Variants in DOCK9 observed in about 807,000 individuals in gnomAD.
DOCK9 encodes the protein dedicator of cytokinesis 9.
Under a neutral mutation model 263.3 loss-of-function variants are expected in DOCK9, and 89 were observed. The ratio of observed to expected loss-of-function variants is 0.34; its 90% CI spans 0.28 to 0.40. The LOEUF is 0.40. Among genes scored for constraint, DOCK9 ranks in the 10% least tolerant of loss-of-function variants. DOCK9 has a pLI of 1.00. For synonymous variants in DOCK9, 976 were observed against 973.1 expected, an observed-to-expected ratio of 1.00 and a Z score of -0.06; for missense variants, 2,140 against 2,603.4, an observed-to-expected ratio of 0.82 and a Z score of 3.87.
intron 1 of DOCK9, among the ~76,000 whole-genome samples, chr13:98,972,555 C>T (rs1219722530): frequency 1.3e-5 from 2 of 152,174 alleles, no homozygotes; most frequent in African/African-American, 4.8e-5. Context: ...CGGACCCTAT[C>T]TAAGCATGCA....
Position 98,837,534 on chromosome 13 carries a change from G to A in DOCK9, c.4274C>T (p.Thr1425Ile). ...EANIATEVCL[T>I]ALDTLSLFTL... Reference sequence around the variant, plus strand: ...AAATAGAGAAAGCGTGTCCAGAGCTGTCAGGCAAACCTCAGTAGCAATGTT... The same window carrying A: ...AAATAGAGAAAGCGTGTCCAGAGCTATCAGGCAAACCTCAGTAGCAATGTT... The change falls in exon 39 of 53, where the codon ACA becomes ATA. Residue 1425 changes from threonine (T) to isoleucine (I), a missense_variant. Physicochemically the swap from Thr to Ile is moderately conservative, Grantham distance 89 (BLOSUM62 -1). Around this residue, in one of 2 missense-constraint regions of DOCK9, gnomAD observed 1,521 missense variants for 1,741.7 expected, o/e 0.87. Coordinates refer to ENST00000682017, the MANE Select transcript of DOCK9 (RefSeq NM_001366683.2). The A allele has an allele frequency of 6.2e-7, 1 of 1,613,850 alleles. No homozygotes were observed.
chr13:98,881,629 T>TA lies in DOCK9; in HGVS notation c.2676-3dup. The TA allele has an allele frequency of 6.2e-7, 1 of 1,606,940 alleles. No individual in the cohort carries two copies. The highest frequency in any genetic ancestry group is 1.3e-5 in the African/African-American group (1 of 74,942). ...TGGGCAACCACATGAATAATGACCCTACACACCACAGGAGTGAATAAAGCA... is the reference window on the plus strand; with the variant it reads ...TGGGCAACCACATGAATAATGACCCTAACACACCACAGGAGTGAATAAAGCA... On this transcript the variant is annotated splice_region_variant and splice_polypyrimidine_tract_variant and intron_variant, in intron 24 of 52. Transcript: ENST00000682017.
chr13:98,897,285 C>T (rs1253371400), intron 15 of DOCK9, among the ~76,000 whole-genome samples: 1 of 152,196 alleles, frequency 6.6e-6, no homozygotes, highest in Non-Finnish European at 1.5e-5. Context: ...CCCAAAACAT[C>T]CTCTACAGAA....
intron 49 of DOCK9, among the ~76,000 whole-genome samples, chr13:98,802,473 C>T (rs1352926975): frequency 6.6e-6 from 1 of 152,184 alleles, no homozygotes; most frequent in Non-Finnish European, 1.5e-5. Flanking sequence ...AGTATGGTGA[C>T]TGCTGGTCTG....
At chr13:98,959,348 G>A (rs2058391185) in intron 1 of DOCK9, 1 of 152,188 alleles carries the variant, frequency 6.6e-6, no homozygotes, top group African/African-American at 2.4e-5. Context: ...GAAATCTTAT[G>A]GAGGATTAAC....
In DOCK9 at chr13:98,960,432, C is replaced by A. The variant is rs540690976; in HGVS notation, c.127-4881G>T. Among the ~76,000 whole-genome samples, 52 of 152,306 alleles carry A rather than the reference C, an allele frequency of 3.4e-4. 1 individual carries two copies. In the South Asian group the frequency reaches 1.0e-2, roughly 29 times the overall value. ...GCTTTTATAGTGTATAAAAATCTAA[C>A]TTGGTCTATGTACAAGTCCTTCAGC... On this transcript the variant is annotated intron_variant, in intron 1 of 52. Transcript: ENST00000682017.
Position 98,797,430 on chromosome 13 carries a change from T to A in DOCK9, c.5976A>T (p.Arg1992=). ...GCAGCTTCACTTTATTGTCAGGATA[T>A]CGCTTTGTGTTTGTATCATCTAAGA... The part of the protein sequence containing the change: ...RAFLDDTNTK[R]YPDNKVKLLK... The change falls in exon 51 of 53, where the codon CGA becomes CGT. Residue 1992 remains arginine (R), a synonymous_variant. Transcript: ENST00000682017. The A allele has an allele frequency of 6.2e-7, 1 of 1,613,714 alleles. No individual in the cohort carries two copies. The highest frequency in any genetic ancestry group is 8.5e-7 in the Non-Finnish European group (1 of 1,179,786).
chr13:99,043,973 CTGAA>C (rs1888722202), intron 1 of DOCK9, among the ~76,000 whole-genome samples: 1 of 152,150 alleles, frequency 6.6e-6, no homozygotes, highest in Non-Finnish European at 1.5e-5. Context: ...TAAAAGTTTG[CTGAA>C]TGAATGAATA....
intron 1 of DOCK9, among the ~76,000 whole-genome samples, chr13:99,055,145 C>T (rs1379102147): frequency 1.3e-5 from 2 of 152,010 alleles, no homozygotes; most frequent in African/African-American, 2.4e-5. Flanking sequence ...TTGAAACAAC[C>T]GGGGTATCTA....
chr13:99,012,028 G>T (rs78181384), intron 1 of DOCK9, among the ~76,000 whole-genome samples: 4,647 of 152,134 alleles, frequency 0.031, 236 homozygotes, highest in African/African-American at 0.11. Flanking sequence ...TCACCATGTT[G>T]CTCAGGCTGG....
intron 1 of DOCK9, among the ~76,000 whole-genome samples, chr13:99,071,710 T>G (rs1485425521): frequency 1.3e-5 from 2 of 152,116 alleles, no homozygotes; most frequent in Non-Finnish European, 2.9e-5. Context: ...CTGGCTCGCT[T>G]TTTAGTTTTT....
chr13:98,862,597 G>C (rs2093905666), intron 32 of DOCK9, among the ~76,000 whole-genome samples: 1 of 152,088 alleles, frequency 6.6e-6, no homozygotes, highest in African/African-American at 2.4e-5. Flanking sequence ...GCTCAGGCAG[G>C]AGAATTGCTT....
In DOCK9 at chr13:98,885,693, G is replaced by GT. The variant is rs1177675119; in HGVS notation, c.2260+14dup. On this transcript the variant is annotated intron_variant, in intron 20 of 52. Coordinates refer to ENST00000682017, the MANE Select transcript of DOCK9 (RefSeq NM_001366683.2). ...TCAATTATTTAAAATCAAAGGAATG[G>GT]TAAGCCCCCCCAACCTTGGGTTTCA... The GT allele has an allele frequency of 6.3e-7, 1 of 1,597,724 alleles. No homozygotes were observed. Among genetic ancestry groups the GT allele is most frequent in the Non-Finnish European group, 8.5e-7 (1 of 1,175,010 alleles).
In DOCK9 at chr13:98,885,720, C is replaced by T. The variant is rs142647356; in HGVS notation, c.2248G>A (p.Val750Ile). Residue 750 changes from valine (V) to isoleucine (I), a missense_variant, in exon 20 of 53, where the codon GTT (valine) becomes ATT (isoleucine). Physicochemically the swap from Val to Ile is conservative, Grantham distance 29. Transcript: ENST00000682017. ...SKGSTKKRDV[V>I]ETQVGYSWLP... ...AAGCCCCCCCAACCTTGGGTTTCAA[C>T]GACATCCCTCTTCTTCGTGCTTCCT... The T allele has an allele frequency of 1.0e-4, 162 of 1,610,638 alleles. No individual in the cohort carries two copies. The highest frequency in any genetic ancestry group is 5.0e-4 in the Middle Eastern group (3 of 6,054).
At chr13:98,874,967 C>T (rs1394748204) in intron 27 of DOCK9, among the ~76,000 whole-genome samples, 1 of 152,132 alleles carries the variant, frequency 6.6e-6, no homozygotes, top group Admixed American at 6.5e-5. Flanking sequence ...CTGAACTCTG[C>T]CCCAGCGGCC....
exon 1 of DOCK9, chr13:99,086,339 G>GCGGCTGCGA: frequency 6.9e-7 from 1 of 1,452,518 alleles, no homozygotes; most frequent in South Asian, 1.3e-5. Flanking sequence ...GGGAGCAGCG[G>GCGGCTGCGA]CGGCTGCGAC....
intron 1 of DOCK9, among the ~76,000 whole-genome samples, chr13:99,082,696 A>C (rs2042176060): frequency 1.3e-5 from 2 of 152,170 alleles, no homozygotes; most frequent in African/African-American, 4.8e-5. Context: ...AGGGGACTTA[A>C]GTAGCTGGTA....
chr13:98,950,261 G>T (rs557841837), intron 2 of DOCK9: 32 of 799,374 alleles, frequency 4.0e-5, no homozygotes, highest in African/African-American at 2.2e-4. Context: ...AGCTTGTCGT[G>T]TTTCTGCCAC....
intron 1 of DOCK9, among the ~76,000 whole-genome samples, chr13:98,999,628 CA>C (rs66530858): frequency 0.55 from 83,080 of 151,910 alleles, 22,990 homozygotes; most frequent in South Asian, 0.68. Context: ...GAGGGCGATT[CA>C]AAAATTATAA....
Sources: gnomAD v4.1 joint callset for allele counts (sites outside exome capture counted in the v4.1 genomes callset) on GRCh38, gnomAD v4.1.1 for gene constraint, gnomAD v4.1.1 regional missense constraint, MANE v1.5 for transcripts, NCBI Gene and HGNC (gene_info 2026-07-23, HGNC 2026-07-21) for gene names.